RPL9: variants seen among roughly 807,000 people sequenced by gnomAD.
RPL9 encodes the protein large ribosomal subunit protein uL6.
For missense variants in RPL9, 149 were observed against 236.7 expected (o/e 0.63, Z 2.43); for synonymous variants, 82 against 77.1 (o/e 1.06, Z -0.33).
At position 39,454,857 on chromosome 4, in the gene RPL9, T is replaced by G. The variant is rs776222659; in HGVS notation, c.472+7A>C. ...TAGGCATAGTTAGACATAGTAAACA[T>G]ACAAACCTGAATTTGAAACAAGCTC... On this transcript the variant is annotated splice_region_variant and intron_variant, in intron 6 of 7. Coordinates refer to ENST00000295955, the MANE Select transcript of RPL9 (RefSeq NM_000661.5). 6.2e-7 allele frequency: 1 copy of G among 1,613,020 alleles called. No individual in the cohort carries two copies. The highest frequency in any genetic ancestry group is 8.5e-7 in the Non-Finnish European group (1 of 1,179,470).
chr4:39,455,062 T>A, intron 5 of RPL9, 118 bp from the exon 6 acceptor site: 2 of 1,071,738 alleles, frequency 1.9e-6, no homozygotes, highest in Non-Finnish European at 1.3e-6. Flanking sequence ...TTTCTTAAGA[T>A]TTTGAGGCCG....
chr4:39,458,445 A>C lies in RPL9; in HGVS notation c.-1-5T>G, dbSNP rs770500673. ...TTGCTGAGAATAGTCTTCATTCTGA[A>C]ACACAAACACTGGGGGTGAGGCCGA... On this transcript the variant is annotated splice_region_variant and splice_polypyrimidine_tract_variant and intron_variant, in intron 1 of 7. Transcript: ENST00000295955. 3 of 1,614,154 alleles carry C rather than the reference A, an allele frequency of 1.9e-6. No homozygotes were observed. The South Asian group carries it at 3.3e-5, about 18-fold the overall frequency.
rs1446100072 is a variant in RPL9, at chr4:39,456,209, A to T, written c.391+197T>A. On this transcript the variant is annotated intron_variant, in intron 5 of 7. Coordinates refer to ENST00000295955, the MANE Select transcript of RPL9 (RefSeq NM_000661.5). The stretch of plus-strand genomic sequence containing the variant: ...CAATGTATCAACTTTCTGAAATTGT[A>T]ATCGACATAATGATATAAACCCTTA... 1.6e-5 allele frequency: 10 copies of T among 618,024 alleles called. No individual in the cohort carries two copies. The East Asian group carries it at 3.0e-4, about 19-fold the overall frequency. The allele number at this position is 618,024 out of a possible 1,614,324, so 38.3% of individuals were successfully genotyped here.
intron 3 of RPL9, 159 bp from the exon 4 acceptor site, chr4:39,457,840 T>G: frequency 1.5e-6 from 1 of 671,286 alleles, no homozygotes; most frequent in Non-Finnish European, 2.6e-6. Context: ...TCCCAACAGT[T>G]AAGCTTTGTA....
intron 6 of RPL9, 55 bp from the exon 7 acceptor site, chr4:39,454,704 A>G (rs1235580839): frequency 2.0e-6 from 3 of 1,512,968 alleles, no homozygotes; most frequent in African/African-American, 1.4e-5. Flanking sequence ...TCTTAAAAAG[A>G]AAGTATTTCA....
intron 1 of RPL9, 192 bp downstream of exon 1, chr4:39,458,699 A>T (rs906979355): frequency 1.6e-6 from 1 of 628,292 alleles, no homozygotes; most frequent in African/African-American, 1.8e-5. Flanking sequence ...CATCCCGGCA[A>T]GACTGAGGGG....
At chr4:39,457,185 T>TA (rs1300806475) in intron 4 of RPL9, 1 of 165,264 alleles carries the variant, frequency 6.1e-6, no homozygotes, top group African/African-American at 2.4e-5. Flanking sequence ...TTTCCTATCT[T>TA]AAAGAATTCG....
At chr4:39,456,718 G>T (rs1170322678) in intron 4 of RPL9, 180 bp from the exon 5 acceptor site, 3 of 658,952 alleles carry the variant, frequency 4.6e-6, no homozygotes, top group East Asian at 2.9e-5. Flanking sequence ...GGACTGTAAA[G>T]CTCCTTGCGG....
intron 7 of RPL9, 76 bp downstream of exon 7, chr4:39,454,457 G>A: frequency 9.2e-7 from 1 of 1,089,046 alleles, no homozygotes; most frequent in Non-Finnish European, 1.3e-6. Flanking sequence ...TACAAATTCA[G>A]TTTAAGTCTT....
At chr4:39,457,962 T>C (rs1744179864) in intron 3 of RPL9, 2 of 663,790 alleles carry the variant, frequency 3.0e-6, no homozygotes, top group African/African-American at 1.8e-5. Context: ...ACCAAACTTC[T>C]AACACCATTA....
Position 39,454,633 on chromosome 4 carries a change from T to C in RPL9, c.489A>G (p.Gln163=), listed in dbSNP as rs1292706888. The change falls in exon 7 of 8, where the codon CAA becomes CAG. Residue 163 remains glutamine (Q), a synonymous_variant. Transcript: ENST00000295955. The stretch of plus-strand genomic sequence containing the variant: ...TATCCTTGTTTTTAACTGTTGTGGC[T>C]TGCTGAATCAAAGCCGCTATAGGAG... ...LVSNSAALIQ[Q]ATTVKNKDIR... is the part of the protein sequence containing the mutation. The C allele has an allele frequency of 1.2e-6, 2 of 1,612,696 alleles. No homozygotes were observed. The highest frequency in any genetic ancestry group is 8.5e-7 in the Non-Finnish European group (1 of 1,179,474).
intron 4 of RPL9, 184 bp from the exon 5 acceptor site, chr4:39,456,722 C>T (rs1744101276): frequency 4.7e-6 from 3 of 632,814 alleles, no homozygotes; most frequent in Non-Finnish European, 8.1e-6. Context: ...TGTAAAGCTC[C>T]TTGCGGAGGC....
chr4:39,458,449 CA>C lies in RPL9; in HGVS notation c.-1-10del, dbSNP rs760284448. ...TGAGAATAGTCTTCATTCTGAAACACAAACACTGGGGGTGAGGCCGACGCAA... is the reference window on the plus strand; with the variant it reads ...TGAGAATAGTCTTCATTCTGAAACACAACACTGGGGGTGAGGCCGACGCAA... On this transcript the variant is annotated splice_polypyrimidine_tract_variant and intron_variant, in intron 1 of 7. Transcript: ENST00000295955. The C allele has an allele frequency of 3.8e-5, 61 of 1,614,024 alleles. No homozygotes were observed. The highest frequency in any genetic ancestry group is 5.0e-5 in the Non-Finnish European group (59 of 1,179,990).
At chr4:39,457,557 A>C in intron 4 of RPL9, 29 bp downstream of exon 4, 1 of 1,579,270 alleles carries the variant, frequency 6.3e-7, no homozygotes. Context: ...TCCCTTTCCA[A>C]AACAAGGAAG....
rs1305964176 is a variant in RPL9 at position 39,454,530 on chromosome 4, T to C, written c.*10+3A>G. 6 of 1,597,688 alleles carry C rather than the reference T, an allele frequency of 3.8e-6. No homozygotes were observed. The highest frequency in any genetic ancestry group is 3.3e-5 in the South Asian group (3 of 89,602). On this transcript the variant is annotated splice_donor_region_variant and intron_variant, in intron 7 of 7. Transcript: ENST00000295955. ...TAAAACTTAAGACACTGTAAGAACT[T>C]ACCTCTTAGATCTTATTCATCAGCC...
At chr4:39,456,961 A>G in intron 4 of RPL9, 1 of 174,332 alleles carries the variant, frequency 5.7e-6, no homozygotes, top group Non-Finnish European at 1.2e-5. Flanking sequence ...ATAGATGTAC[A>G]GGGTGCCATT....
At chr4:39,455,044 AAG>A in intron 5 of RPL9, 100 bp from the exon 6 acceptor site, 1 of 1,211,610 alleles carries the variant, frequency 8.3e-7, no homozygotes. Flanking sequence ...CATGCACCAA[AAG>A]AACCTTTTCT....
At position 39,458,459 on chromosome 4, in the gene RPL9, G is replaced by C. The variant is rs1406761659; in HGVS notation, c.-1-19C>G. 6.2e-7 allele frequency: 1 copy of C among 1,613,558 alleles called. No individual in the cohort carries two copies. On this transcript the variant is annotated intron_variant, in intron 1 of 7. Coordinates refer to ENST00000295955, the MANE Select transcript of RPL9 (RefSeq NM_000661.5). The stretch of plus-strand genomic sequence containing the variant: ...CTTCATTCTGAAACACAAACACTGG[G>C]GGTGAGGCCGACGCAAGGCCCGTTT...
chr4:39,457,354 A>T (rs1027092947), intron 4 of RPL9: 9 of 123,468 alleles, frequency 7.3e-5, no homozygotes, highest in Admixed American at 2.0e-4. Context: ...AGCCTTGATT[A>T]AAAAAAAAAA....
Sources: gnomAD v4.1 joint callset for allele counts on GRCh38, gnomAD v4.1.1 for gene constraint, MANE v1.5 for transcripts, NCBI Gene and HGNC (gene_info 2026-07-23, HGNC 2026-07-21) for gene names.